Variants in KLF8 observed in about 807,000 individuals in gnomAD.
KLF8 encodes the protein Krueppel-like factor 8.
Under a neutral mutation model 18.2 loss-of-function variants are expected in KLF8, and 10 were observed. The ratio of observed to expected loss-of-function variants is 0.55; its 90% CI spans 0.34 to 0.93. The LOEUF (loss-of-function observed/expected upper bound fraction) is 0.93. KLF8 is among the 40% of genes least tolerant of loss of function. The probability of loss-of-function intolerance (pLI) is 0.02; values close to 1 mark genes in which losing one functional copy is unlikely to be tolerated. For synonymous variants in KLF8, 109 were observed against 97.3 expected (o/e 1.12, Z -0.71); for missense variants, 264 against 277.9 (o/e 0.95, Z 0.36).
chrX:55,996,471 C>T, the KLF8 span, among the ~76,000 whole-genome samples: 1 of 111,853 alleles, frequency 8.9e-6, no homozygotes, highest in African/African-American at 3.3e-5. Context: ...TATGCTAGTT[C>T]TTTCTCATCT....
At chrX:55,961,494 G>T in the KLF8 span, 1 of 549,958 alleles carries the variant, frequency 1.8e-6, no homozygotes, top group Admixed American at 2.2e-5. Context: ...AAGAATACCT[G>T]CCCATTGGGG....
At chrX:56,234,345 T>G (rs2066445760) in intron 1 of KLF8, among the ~76,000 whole-genome samples, 1 of 111,893 alleles carries the variant, frequency 8.9e-6, no homozygotes. Flanking sequence ...GCTTTTCTCT[T>G]CCATAGAATG....
At chrX:56,049,147 C>T in the KLF8 span, among the ~76,000 whole-genome samples, 1 of 111,751 alleles carries the variant, frequency 8.9e-6, no homozygotes, top group Non-Finnish European at 1.9e-5. Flanking sequence ...AGTTGCTTAT[C>T]AGCTTAAGGA....
chrX:56,003,835 C>T, the KLF8 span, among the ~76,000 whole-genome samples: 19 of 112,082 alleles, frequency 1.7e-4, no homozygotes, highest in African/African-American at 6.2e-4. Context: ...ATCTGTTTTA[C>T]CTCTTTTTCC....
chrX:56,164,838 G>C, the KLF8 span, among the ~76,000 whole-genome samples: 1 of 86,881 alleles, frequency 1.2e-5, no homozygotes, highest in African/African-American at 4.3e-5. Flanking sequence ...TGCCATGCTG[G>C]TGCGCTGCAC....
the KLF8 span, among the ~76,000 whole-genome samples, chrX:56,194,267 G>T: frequency 4.5e-5 from 5 of 111,351 alleles, no homozygotes. Flanking sequence ...AGGGCGTCAC[G>T]TCTCCCAGGA....
chrX:56,038,391 C>A, the KLF8 span, among the ~76,000 whole-genome samples: 1 of 111,570 alleles, frequency 9.0e-6, no homozygotes, highest in African/African-American at 3.3e-5. Context: ...CACCTTCTGA[C>A]AGGCCCCAGT....
chrX:56,251,318 A>G, intron 2 of KLF8, among the ~76,000 whole-genome samples: 1 of 112,082 alleles, frequency 8.9e-6, no homozygotes. Flanking sequence ...TAAATCACCT[A>G]TAGACTTGAG....
chrX:56,194,206 G>A, the KLF8 span, among the ~76,000 whole-genome samples: 3 of 111,189 alleles, frequency 2.7e-5, no homozygotes, highest in Non-Finnish European at 5.7e-5. Flanking sequence ...CATCTCATTG[G>A]GACTGGTTGG....
At chrX:56,210,955 T>C in the KLF8 span, among the ~76,000 whole-genome samples, 1 of 110,712 alleles carries the variant, frequency 9.0e-6, no homozygotes, top group African/African-American at 3.3e-5. Context: ...TGTGGTATCT[T>C]GAATTTCCTT....
the KLF8 span, chrX:56,074,574 C>A: frequency 8.8e-6 from 1 of 113,727 alleles, no homozygotes; most frequent in African/African-American, 3.2e-5. Flanking sequence ...CCTTGGAACC[C>A]ATGTCAAAAT....
chrX:56,202,349 C>G, the KLF8 span, among the ~76,000 whole-genome samples: 1 of 110,486 alleles, frequency 9.1e-6, no homozygotes, highest in African/African-American at 3.3e-5. Context: ...ATATTTCATA[C>G]AGGCATGCGA....
chrX:56,178,520 G>A, the KLF8 span, among the ~76,000 whole-genome samples: 1 of 112,239 alleles, frequency 8.9e-6, no homozygotes, highest in Non-Finnish European at 1.9e-5. Context: ...GTCTTTTGTT[G>A]CCATTGCTTT....
At chrX:56,051,254 T>C in the KLF8 span, among the ~76,000 whole-genome samples, 78 of 111,267 alleles carry the variant, frequency 7.0e-4, 1 homozygote, top group South Asian at 0.03. Context: ...AATTGGAGCA[T>C]TTAGTCCATT....
chrX:56,058,300 A>ATATACATATATATATATATG, the KLF8 span, among the ~76,000 whole-genome samples: 3 of 74,160 alleles, frequency 4.0e-5, no homozygotes, highest in Admixed American at 1.6e-4. Flanking sequence ...ATATATATAT[A>ATATACATATATATATATATG]TATATATATA....
chrX:56,284,376 T>G lies in KLF8; in HGVS notation c.962T>G (p.Leu321Arg). ...TGGAAATTTGCTCGCTCAGATGAGC[T>G]CACTCGCCATTTCCGCAAGCACACA... ...CSWKFARSDE[L>R]TRHFRKHTGI... Residue 321 changes from leucine to arginine, a missense_variant, in exon 6 of 6, where the codon CTC (leucine) becomes CGC (arginine). Leu to Arg is a moderately radical substitution (Grantham distance 102). This residue lies in a region of KLF8 where 43 missense variants were observed against 84.3 expected (regional missense o/e 0.51). Transcript: ENST00000468660. 1 of 1,205,923 alleles carries G rather than the reference T, an allele frequency of 8.3e-7. No homozygotes were observed. The highest frequency in any genetic ancestry group is 1.1e-6 in the Non-Finnish European group (1 of 892,447).
the KLF8 span, among the ~76,000 whole-genome samples, chrX:56,127,094 T>C: frequency 2.7e-5 from 3 of 110,736 alleles, no homozygotes; most frequent in Admixed American, 9.7e-5. Flanking sequence ...TCCATTCAAA[T>C]AGTGCCTCCC....
the KLF8 span, among the ~76,000 whole-genome samples, chrX:55,958,907 C>T: frequency 8.9e-6 from 1 of 112,335 alleles, no homozygotes; most frequent in African/African-American, 3.2e-5. Flanking sequence ...AGACCCACCA[C>T]TGCCCCACTG....
the KLF8 span, among the ~76,000 whole-genome samples, chrX:56,031,889 C>T: frequency 9.0e-6 from 1 of 111,506 alleles, no homozygotes; most frequent in Admixed American, 9.5e-5. Flanking sequence ...CATGAAAGGG[C>T]CGTGATCGAT....
Sources: allele counts gnomAD v4.1 joint callset (sites outside exome capture counted in the v4.1 genomes callset), GRCh38; gene constraint gnomAD v4.1.1; regional missense constraint gnomAD v4.1.1; transcripts MANE v1.5; gene names NCBI Gene and HGNC (gene_info 2026-07-23, HGNC 2026-07-21).